Variants in WSB2 observed in about 807,000 individuals in gnomAD.
The protein encoded by WSB2 is WD repeat and SOCS box-containing protein 2.
WSB2 carries 12 observed loss-of-function variants against 48.8 expected under a neutral mutation model. The ratio of observed to expected loss-of-function variants is 0.25; its 90% CI spans 0.16 to 0.40. The LOEUF is 0.40. WSB2 is among the 10% of genes least tolerant of loss of function. The probability of loss-of-function intolerance (pLI) is 1.00; values close to 1 mark genes in which losing one functional copy is unlikely to be tolerated. For synonymous variants in WSB2, 191 were observed against 203.1 expected (o/e 0.94, Z 0.51); for missense variants, 317 against 506.2 (o/e 0.63, Z 3.59).
chr12:118,059,826 G>GA (rs567236281), intron 1 of WSB2, among the ~76,000 whole-genome samples: 131 of 152,304 alleles, frequency 8.6e-4, no homozygotes, highest in African/African-American at 3.1e-3. Flanking sequence ...ATGGGAAGGA[G>GA]AGAGAGCTGC....
Position 118,043,214 on chromosome 12 carries a change from G to A in WSB2, c.346C>T (p.Pro116Ser). ...PSRKLWARHHPQVPDVSCLVL... is the reference protein window; with the variant it reads ...PSRKLWARHHSQVPDVSCLVL... ...AGGCAAGAGACATCGGGCACTTGGG[G>A]GTGGTGGCGTGCCCAGAGCTTCCTG... The change falls in exon 3 of 9, where the codon CCC becomes TCC. Residue 116 changes from proline to serine, a missense_variant. Pro to Ser is a moderately conservative substitution (Grantham distance 74). Coordinates refer to ENST00000315436, the MANE Select transcript of WSB2 (RefSeq NM_018639.5). 1 of 1,614,250 alleles carries A rather than the reference G, an allele frequency of 6.2e-7. No homozygotes were observed. The highest frequency in any genetic ancestry group is 8.5e-7 in the Non-Finnish European group (1 of 1,180,052).
chr12:118,061,995 G>A, upstream of WSB2: 1 of 1,110,750 alleles, frequency 9.0e-7, no homozygotes, highest in Non-Finnish European at 1.3e-6. Context: ...AGGAGAACAC[G>A]GGGCGGTGGG....
chr12:118,053,933 G>A lies in WSB2; in HGVS notation c.14-1455C>T, dbSNP rs35426707. Among the ~76,000 whole-genome samples, 266 of 151,990 alleles carry A rather than the reference G, an allele frequency of 1.8e-3. 1 individual carries two copies. The highest frequency in any genetic ancestry group is 3.5e-3 in the Non-Finnish European group (240 of 67,988). On this transcript the variant is annotated intron_variant, in intron 1 of 8. Coordinates refer to ENST00000315436, the MANE Select transcript of WSB2 (RefSeq NM_018639.5). ...TTTATATATCTTACATTTTGACCTCGCTGAAATCAGGATGTATCTTATAAT... is the reference window on the plus strand; with the variant it reads ...TTTATATATCTTACATTTTGACCTCACTGAAATCAGGATGTATCTTATAAT...
rs372181768 is a variant in WSB2 at position 118,036,352 on chromosome 12, C to T, written c.819G>A (p.Arg273=). The T allele has an allele frequency of 1.9e-6, 3 of 1,613,894 alleles. No individual in the cohort carries two copies. Among genetic ancestry groups the T allele is most frequent in the Non-Finnish European group, 1.7e-6 (2 of 1,179,942 alleles). The stretch of plus-strand genomic sequence containing the variant: ...TCAGTCCTTACTGGAGTGACCTCAG[C>T]CTTTCGCCGGTGTAGGGGTCCCACA... ...VIMWDPYTGE[R]LRSLHHTQVD... is the part of the protein sequence containing the mutation. The change falls in exon 6 of 9, where the codon AGG becomes AGA. Residue 273 remains arginine, a synonymous_variant. Transcript: ENST00000315436.
intron 8 of WSB2, 43 bp downstream of exon 8, chr12:118,034,943 C>G: frequency 6.3e-7 from 1 of 1,580,778 alleles, no homozygotes; most frequent in Non-Finnish European, 8.7e-7. Flanking sequence ...ATGGTATACT[C>G]AGCAGAAAGC....
chr12:118,050,881 G>A (rs375957763), intron 2 of WSB2, among the ~76,000 whole-genome samples: 39 of 151,712 alleles, frequency 2.6e-4, no homozygotes, highest in African/African-American at 7.7e-4. Flanking sequence ...GTGAAATCTC[G>A]TCTCTACTAA....
Position 118,043,348 on chromosome 12 carries a change from C to A in WSB2, c.212G>T (p.Arg71Leu), listed in dbSNP as rs765345901. The change falls in exon 3 of 9, where the codon CGA (arginine) becomes CTA (leucine). Residue 71 changes from arginine (R) to leucine (L), a missense_variant. This residue lies in a region of WSB2 where 128 missense variants were observed against 156.7 expected (regional missense o/e 0.82). Coordinates refer to ENST00000315436, the MANE Select transcript of WSB2 (RefSeq NM_018639.5). ...FIPKGFEAKS[R>L]SSKNETKGRG... ...CCCTTTCGTCTCATTTTTGCTACTT[C>A]GGCTTTTGGCTTCAAACCCTTTAGG... The A allele has an allele frequency of 1.3e-6, 2 of 1,582,130 alleles. No homozygotes were observed. Among genetic ancestry groups the A allele is most frequent in the Non-Finnish European group, 1.7e-6 (2 of 1,165,094 alleles).
At chr12:118,055,607 C>CTTTTTTTTTTTTTTT (rs748354611) in intron 1 of WSB2, among the ~76,000 whole-genome samples, 2 of 81,708 alleles carry the variant, frequency 2.4e-5, no homozygotes, top group Admixed American at 1.8e-4. Flanking sequence ...CTACATTATC[C>CTTTTTTTTTTTTTTT]TTTTTTTTTT....
chr12:118,041,672 C>T (rs1258382989), intron 4 of WSB2, among the ~76,000 whole-genome samples: 4 of 151,978 alleles, frequency 2.6e-5, no homozygotes, highest in Admixed American at 1.3e-4. Context: ...CTTCCAATCC[C>T]TCCAGCCCCT....
chr12:118,039,179 G>A (rs2031575629), intron 4 of WSB2, among the ~76,000 whole-genome samples: 1 of 152,146 alleles, frequency 6.6e-6, no homozygotes, highest in Non-Finnish European at 1.5e-5. Context: ...CAGTGGTGTG[G>A]AGTCACTAGG....
At chr12:118,039,965 C>G (rs542257834) in intron 4 of WSB2, among the ~76,000 whole-genome samples, 11 of 152,010 alleles carry the variant, frequency 7.2e-5, no homozygotes, top group Admixed American at 5.2e-4. Context: ...AGGCTGGTCT[C>G]GAACTCCTGA....
In WSB2 at chr12:118,034,187, T is replaced by C. The variant is rs758947412; in HGVS notation, c.*9A>G. ...CCCTGCTACAAAGAAGCACAAGATG[T>C]GGTGTTGCTTAAAAAGTCCTGTATG... On this transcript the variant is annotated 3_prime_UTR_variant, in exon 9 of 9. Coordinates refer to ENST00000315436, the MANE Select transcript of WSB2 (RefSeq NM_018639.5). 13 of 1,614,084 alleles carry C rather than the reference T, an allele frequency of 8.1e-6. No individual in the cohort carries two copies. In the South Asian group the frequency reaches 1.2e-4, roughly 15 times the overall value.
intron 4 of WSB2, among the ~76,000 whole-genome samples, chr12:118,041,993 T>G (rs1476109874): frequency 5.9e-5 from 9 of 152,094 alleles, no homozygotes; most frequent in African/African-American, 2.2e-4. Flanking sequence ...TGACCTCAGG[T>G]GATCCACCCG....
intron 1 of WSB2, among the ~76,000 whole-genome samples, chr12:118,057,566 C>T (rs1593475406): frequency 6.6e-6 from 1 of 151,986 alleles, no homozygotes; most frequent in Non-Finnish European, 1.5e-5. Flanking sequence ...TGAGTCACCG[C>T]GTCCAGCCTC....
chr12:118,060,843 G>T lies in WSB2; in HGVS notation c.13+193C>A, dbSNP rs909733933. On this transcript the variant is annotated intron_variant, in intron 1 of 8. Transcript: ENST00000315436. This position sits in a 1 kb window ranked among gnomAD's most constrained non-coding sequence, Gnocchi z 4.1. ...AGTCAGGGTGGCGGCCACTGACAACGAAAGTGAAACAAAGCTGGTCGCCGG... is the reference window on the plus strand; with the variant it reads ...AGTCAGGGTGGCGGCCACTGACAACTAAAGTGAAACAAAGCTGGTCGCCGG... 7.2e-5 allele frequency among the ~76,000 whole-genome samples: 11 copies of T among 151,940 alleles called. No homozygotes were observed. Among genetic ancestry groups the T allele is most frequent in the Non-Finnish European group, 1.2e-4 (8 of 67,866 alleles).
intron 8 of WSB2, chr12:118,034,579 C>CTA: frequency 1.8e-6 from 1 of 544,130 alleles, no homozygotes; most frequent in Non-Finnish European, 3.2e-6. Context: ...AAAGCGCTCT[C>CTA]TCTGTCTCTC....
intron 6 of WSB2, 42 bp downstream of exon 6, chr12:118,036,296 A>G (rs368742788): frequency 1.3e-5 from 20 of 1,591,730 alleles, no homozygotes; most frequent in Admixed American, 6.8e-5. Context: ...GTTCCTCATC[A>G]GTCCCCCCAC....
At chr12:118,042,118 C>G (rs551739336) in intron 4 of WSB2, among the ~76,000 whole-genome samples, 14 of 152,290 alleles carry the variant, frequency 9.2e-5, no homozygotes, top group Non-Finnish European at 1.5e-4. Context: ...TATTGGGCCA[C>G]CCCTGTATAT....
chr12:118,052,675 A>G (rs1192296104), intron 1 of WSB2, 197 bp from the exon 2 acceptor site: 2 of 741,600 alleles, frequency 2.7e-6, no homozygotes, highest in African/African-American at 3.5e-5. Context: ...GGCACTCCTC[A>G]CTGCTGGTTA....
Sources: gnomAD v4.1 joint callset for allele counts (sites outside exome capture counted in the v4.1 genomes callset) on GRCh38, gnomAD v4.1.1 for gene constraint, gnomAD v4.1.1 regional missense constraint, Gnocchi (gnomAD v3.1) non-coding constraint, MANE v1.5 for transcripts, NCBI Gene and HGNC (gene_info 2026-07-23, HGNC 2026-07-21) for gene names.